EEF2K: variants seen among roughly 807,000 people sequenced by gnomAD.
EEF2K encodes the protein alternative protein EEF2K.
EEF2K carries 70 observed loss-of-function variants against 93.8 expected under a neutral mutation model. The ratio of observed to expected loss-of-function variants is 0.75; its 90% confidence interval spans 0.62 to 0.91. The LOEUF is 0.91. Among genes scored for constraint, EEF2K ranks in the 40% least tolerant of loss-of-function variants. EEF2K has a pLI of 0.00. For synonymous variants in EEF2K, 376 were observed against 380.8 expected (o/e 0.99, Z 0.15); for missense variants, 935 against 972.9 (o/e 0.96, Z 0.52).
chr16:22,256,942 G>C, intron 7 of EEF2K, 45 bp downstream of exon 7: 2 of 1,608,254 alleles, frequency 1.2e-6, no homozygotes, highest in Non-Finnish European at 1.7e-6. Flanking sequence ...ACAGCCCTTG[G>C]GGTGAGATCC....
intron 3 of EEF2K, among the ~76,000 whole-genome samples, chr16:22,247,572 T>TA (rs2047308148): frequency 6.6e-6 from 1 of 152,108 alleles, no homozygotes; most frequent in Admixed American, 6.6e-5. Context: ...GGAAATGCTA[T>TA]AACAGAGTGG....
chr16:22,266,624 G>T (rs1380520334), intron 14 of EEF2K, 64 bp from the exon 15 acceptor site: 1 of 1,586,124 alleles, frequency 6.3e-7, no homozygotes. Flanking sequence ...AGGCTGGCTG[G>T]GCGGTCTTGG....
intron 2 of EEF2K, among the ~76,000 whole-genome samples, chr16:22,235,778 G>A (rs181841403): frequency 6.6e-6 from 1 of 151,270 alleles, no homozygotes; most frequent in Non-Finnish European, 1.5e-5. Context: ...GACTACAGGC[G>A]TGAGCCACCG....
chr16:22,236,934 C>CTTTTTTTTTTTTTTTTTTT (rs71151665), intron 2 of EEF2K, among the ~76,000 whole-genome samples: 1 of 56,176 alleles, frequency 1.8e-5, no homozygotes, highest in Non-Finnish European at 3.3e-5. Context: ...CCACAGACCT[C>CTTTTTTTTTTTTTTTTTTT]TTTTTTTTTT....
chr16:22,268,557 C>G (rs2047547038), intron 15 of EEF2K, among the ~76,000 whole-genome samples: 1 of 152,106 alleles, frequency 6.6e-6, no homozygotes. Flanking sequence ...GCCTTGACCT[C>G]CTGGGTTCAA....
chr16:22,256,961 C>T, intron 7 of EEF2K, 64 bp downstream of exon 7: 2 of 1,596,092 alleles, frequency 1.3e-6, no homozygotes, highest in Non-Finnish European at 1.7e-6. Context: ...CCTGGCCAGG[C>T]TCAGCCCCTA....
chr16:22,263,102 C>T lies in EEF2K; in HGVS notation c.1300-8C>T, dbSNP rs201907947. The T allele has an allele frequency of 6.2e-7, 1 of 1,610,376 alleles. No individual in the cohort carries two copies. Among genetic ancestry groups the T allele is most frequent in the African/African-American group, 1.3e-5 (1 of 74,822 alleles). ...CACCAGGACCCTAAGGCCGTCTTCT[C>T]TCCACAGGAGTCTGAGAATAGTGGG... On this transcript the variant is annotated splice_region_variant and splice_polypyrimidine_tract_variant and intron_variant, in intron 11 of 17. Coordinates refer to ENST00000263026, the MANE Select transcript of EEF2K (RefSeq NM_013302.5).
In EEF2K at chr16:22,256,217, C is replaced by T. The variant is rs777024055; in HGVS notation, c.619-531C>T. 2.8e-4 allele frequency among the ~76,000 whole-genome samples: 43 copies of T among 152,286 alleles called. 1 individual carries two copies. The highest frequency in any genetic ancestry group is 2.2e-3 in the Admixed American group (34 of 15,292). On this transcript the variant is annotated intron_variant, in intron 6 of 17. Coordinates refer to ENST00000263026, the MANE Select transcript of EEF2K (RefSeq NM_013302.5). ...GGTTCAAGTGATTCTCCTGCCTCAG[C>T]CTCCAGAGTAGCTGGGATTACAGGC...
At chr16:22,277,128 A>C (rs1253819066) in intron 16 of EEF2K, among the ~76,000 whole-genome samples, 1 of 152,062 alleles carries the variant, frequency 6.6e-6, no homozygotes, top group Non-Finnish European at 1.5e-5. Flanking sequence ...CATTTTTTAA[A>C]TTTAACTTTT....
At position 22,258,675 on chromosome 16, in the gene EEF2K, G is replaced by A. The variant is rs1567281328; in HGVS notation, c.1211G>A (p.Ser404Asn). The change falls in exon 10 of 18, where the codon AGC becomes AAC. Residue 404 changes from serine to asparagine, a missense_variant. Transcript: ENST00000263026. ...TCCCCATCTTCGGCCACACCACACA[G>A]CCAGAAGCTAGACCACCTCCGTGAG... ...PSSPSSATPH[S>N]QKLDHLHWPV... 4.3e-6 allele frequency: 7 copies of A among 1,614,156 alleles called. No homozygotes were observed. The Admixed American group carries it at 6.7e-5, about 15-fold the overall frequency.
At chr16:22,258,826 A>T in intron 10 of EEF2K, 131 bp downstream of exon 10, 1 of 1,233,368 alleles carries the variant, frequency 8.1e-7, no homozygotes, top group Non-Finnish European at 1.1e-6. Flanking sequence ...GTGGTTTTAT[A>T]GGTGAGTTTC....
At chr16:22,253,793 T>A (rs1182012359) in intron 6 of EEF2K, among the ~76,000 whole-genome samples, 1 of 151,996 alleles carries the variant, frequency 6.6e-6, no homozygotes, top group Non-Finnish European at 1.5e-5. Context: ...AGTGCCTAGG[T>A]GTCCAGTAAA....
intron 15 of EEF2K, among the ~76,000 whole-genome samples, chr16:22,268,781 C>T (rs2047549392): frequency 6.6e-6 from 1 of 151,954 alleles, no homozygotes; most frequent in South Asian, 2.1e-4. Flanking sequence ...CATAGCAAAA[C>T]CCTATCTCTA....
intron 2 of EEF2K, among the ~76,000 whole-genome samples, chr16:22,229,305 T>TA (rs983326663): frequency 3.9e-5 from 6 of 152,108 alleles, no homozygotes; most frequent in Non-Finnish European, 5.9e-5. Context: ...TTGGTTATCG[T>TA]AAAAAAACAA....
At chr16:22,219,928 G>T (rs2046995358) in intron 1 of EEF2K, among the ~76,000 whole-genome samples, 1 of 152,162 alleles carries the variant, frequency 6.6e-6, no homozygotes, top group African/African-American at 2.4e-5. Context: ...CAGCCAGCAG[G>T]TTGGAAGGAG....
intron 6 of EEF2K, among the ~76,000 whole-genome samples, chr16:22,252,917 A>G (rs1258592192): frequency 1.3e-5 from 2 of 152,036 alleles, no homozygotes; most frequent in Non-Finnish European, 2.9e-5. Context: ...TATGGGGGAA[A>G]CCACCCCCAT....
intron 6 of EEF2K, among the ~76,000 whole-genome samples, chr16:22,256,323 C>T (rs1465767442): frequency 1.3e-5 from 2 of 152,122 alleles, no homozygotes; most frequent in Non-Finnish European, 2.9e-5. Context: ...GTCTCCAACT[C>T]CTGGCCTCAG....
At position 22,257,764 on chromosome 16, in the gene EEF2K, G is replaced by A. The variant is rs182626846; in HGVS notation, c.1023G>A (p.Lys341=). 1.2e-6 allele frequency: 2 copies of A among 1,613,590 alleles called. No individual in the cohort carries two copies. Among genetic ancestry groups the A allele is most frequent in the East Asian group, 4.5e-5 (2 of 44,874 alleles). ...GGGATGCAGTGAATCAGAACACCAA[G>A]CTGCTGGTGGGTGCCCAGTGTGACC... The part of the protein sequence containing the change: ...RERDAVNQNT[K]LLQSAKTILR... Residue 341 remains lysine (K), a synonymous_variant, in exon 9 of 18, where the codon AAG becomes AAA. Transcript: ENST00000263026.
intron 1 of EEF2K, among the ~76,000 whole-genome samples, chr16:22,207,205 G>A (rs994962337): frequency 6.6e-6 from 1 of 152,214 alleles, no homozygotes; most frequent in African/African-American, 2.4e-5. Flanking sequence ...TAATAAGCCG[G>A]TGGCCGCGCG....
Sources: allele counts gnomAD v4.1 joint callset (sites outside exome capture counted in the v4.1 genomes callset), GRCh38; gene constraint gnomAD v4.1.1; transcripts MANE v1.5; gene names NCBI Gene and HGNC (gene_info 2026-07-23, HGNC 2026-07-21).